Variants in EBF1 observed in about 807,000 individuals in gnomAD.
EBF1 encodes EBF transcription factor 1.
A neutral mutation model predicts 68.4 loss-of-function variants in EBF1; 10 were observed. The observed-to-expected ratio is 0.15, with a 90% CI of 0.09 to 0.25. The LOEUF (loss-of-function observed/expected upper bound fraction) is 0.25, where lower values mean the gene tolerates loss of function less well. Among genes scored for constraint, EBF1 ranks in the 10% least tolerant of loss-of-function variants. The probability of loss-of-function intolerance (pLI) is 1.00; values close to 1 mark genes in which losing one functional copy is unlikely to be tolerated. For synonymous variants in EBF1, 298 were observed against 299.8 expected (o/e 0.99, Z 0.06); for missense variants, 509 against 794.4 (o/e 0.64, Z 4.32).
At chr5:158,922,164 T>C (rs536195364) in intron 6 of EBF1, among the ~76,000 whole-genome samples, 1 of 152,244 alleles carries the variant, frequency 6.6e-6, no homozygotes, top group Non-Finnish European at 1.5e-5. Flanking sequence ...CTATACCATC[T>C]GTGCCGTTGA....
At chr5:158,911,477 T>C (rs1805964963) in intron 6 of EBF1, among the ~76,000 whole-genome samples, 2 of 152,106 alleles carry the variant, frequency 1.3e-5, no homozygotes, top group Admixed American at 6.5e-5. Flanking sequence ...TTTAGTTTTG[T>C]TTTGTTTTTA....
At chr5:158,777,167 T>C (rs1452950671) in intron 10 of EBF1, among the ~76,000 whole-genome samples, 1 of 152,182 alleles carries the variant, frequency 6.6e-6, no homozygotes. Flanking sequence ...TTATTTTTCA[T>C]GTGGCATCTT....
chr5:158,953,223 A>G (rs908561879), intron 6 of EBF1, among the ~76,000 whole-genome samples: 4 of 152,318 alleles, frequency 2.6e-5, no homozygotes, highest in Non-Finnish European at 5.9e-5. Context: ...TTCCTGCTTT[A>G]ATTGTGTGTT....
At chr5:159,096,838 A>C (rs1782710791) in intron 2 of EBF1, 136 bp downstream of exon 2, 1 of 1,173,012 alleles carries the variant, frequency 8.5e-7, no homozygotes, top group African/African-American at 1.5e-5. Flanking sequence ...CTGGGATGGG[A>C]AGTGGCTTGG....
intron 10 of EBF1, among the ~76,000 whole-genome samples, chr5:158,772,485 A>G (rs992502804): frequency 3.3e-5 from 5 of 152,192 alleles, no homozygotes; most frequent in Non-Finnish European, 2.9e-5. Context: ...AGTTAACACC[A>G]GAGAACTTTA....
chr5:159,031,350 A>G (rs1286681180), intron 6 of EBF1, among the ~76,000 whole-genome samples: 1 of 152,224 alleles, frequency 6.6e-6, no homozygotes, highest in Non-Finnish European at 1.5e-5. Context: ...CCACTAAGAC[A>G]GATAATCTGT....
chr5:158,786,578 C>G lies in EBF1; in HGVS notation c.910-9039G>C, dbSNP rs374386010. On this transcript the variant is annotated intron_variant, in intron 9 of 15. Coordinates refer to ENST00000313708, the MANE Select transcript of EBF1 (RefSeq NM_024007.5). ...TATTCCAGAAGGAGAGCATCAGACA[C>G]CAGCAACGCCAGCCCCTGTGGTTTG... is the stretch of plus-strand genomic sequence containing the variant. Among the ~76,000 whole-genome samples, 3 of 152,212 alleles carry G rather than the reference C, an allele frequency of 2.0e-5. No individual in the cohort carries two copies. The East Asian group carries it at 5.8e-4, about 29-fold the overall frequency.
At chr5:158,780,185 T>G (rs1561905826) in intron 9 of EBF1, among the ~76,000 whole-genome samples, 1 of 152,202 alleles carries the variant, frequency 6.6e-6, no homozygotes, top group Non-Finnish European at 1.5e-5. Context: ...CTAGTGATAG[T>G]TTAAAGCTAA....
intron 6 of EBF1, among the ~76,000 whole-genome samples, chr5:158,914,867 G>T (rs1304617766): frequency 6.6e-6 from 1 of 152,062 alleles, no homozygotes; most frequent in Non-Finnish European, 1.5e-5. Flanking sequence ...AAGGAAATAT[G>T]CATACATTAC....
chr5:158,867,564 G>A (rs1796154947), intron 6 of EBF1, among the ~76,000 whole-genome samples: 2 of 152,072 alleles, frequency 1.3e-5, no homozygotes, highest in Admixed American at 6.6e-5. Context: ...CAAAACTCTA[G>A]GGGCAAAGAA....
intron 15 of EBF1, among the ~76,000 whole-genome samples, chr5:158,705,284 TC>T (rs1757631562): frequency 1.3e-5 from 2 of 152,322 alleles, no homozygotes; most frequent in African/African-American, 4.8e-5. Flanking sequence ...CCCAGTCCAT[TC>T]TTTTTATAGT....
At chr5:158,869,179 C>T (rs1796433973) in intron 6 of EBF1, among the ~76,000 whole-genome samples, 1 of 152,136 alleles carries the variant, frequency 6.6e-6, no homozygotes, top group Non-Finnish European at 1.5e-5. Flanking sequence ...GAAGAAAATG[C>T]AGAATGCTGT....
intron 6 of EBF1, among the ~76,000 whole-genome samples, chr5:158,986,616 A>G (rs752721738): frequency 8.5e-5 from 13 of 152,224 alleles, no homozygotes; most frequent in Non-Finnish European, 1.8e-4. Context: ...ATTCTTAAAA[A>G]ATATTCTGCC....
chr5:158,932,687 A>C (rs1270996067), intron 6 of EBF1, among the ~76,000 whole-genome samples: 2 of 152,216 alleles, frequency 1.3e-5, no homozygotes, highest in African/African-American at 2.4e-5. Flanking sequence ...CCAAACACAC[A>C]TACTTCCTCT....
chr5:158,862,348 T>C lies in EBF1; in HGVS notation c.555-22238A>G, dbSNP rs549765705. On this transcript the variant is annotated intron_variant, in intron 6 of 15. Coordinates refer to ENST00000313708, the MANE Select transcript of EBF1 (RefSeq NM_024007.5). Reference sequence around the variant, plus strand: ...GGTTCCAGGGACATCCAATGTTTATTAAAAAAAACAAGAACACACAAACAA... The same window carrying C: ...GGTTCCAGGGACATCCAATGTTTATCAAAAAAAACAAGAACACACAAACAA... Among the ~76,000 whole-genome samples the C allele has an allele frequency of 4.4e-4, 67 of 151,904 alleles. 1 individual carries two copies. In the South Asian group the frequency reaches 0.013, roughly 29 times the overall value.
chr5:158,913,218 A>T (rs1806405934), intron 6 of EBF1, among the ~76,000 whole-genome samples: 1 of 152,208 alleles, frequency 6.6e-6, no homozygotes, highest in Non-Finnish European at 1.5e-5. Flanking sequence ...TACTTTAATC[A>T]TTTGTGGCAT....
intron 6 of EBF1, among the ~76,000 whole-genome samples, chr5:158,951,511 A>T (rs184755032): frequency 1.6e-4 from 25 of 152,326 alleles, no homozygotes; most frequent in Admixed American, 1.4e-3. Flanking sequence ...CTAATTCCCC[A>T]ATCTCTGATA....
At chr5:158,902,627 T>TATTATTATC (rs1803673017) in intron 6 of EBF1, among the ~76,000 whole-genome samples, 1 of 149,010 alleles carries the variant, frequency 6.7e-6, no homozygotes, top group African/African-American at 2.5e-5. Context: ...TTATCATTAT[T>TATTATTATC]ATTATTATTA....
chr5:158,841,071 T>C lies in EBF1; in HGVS notation c.555-961A>G, dbSNP rs117169958. Among the ~76,000 whole-genome samples, 692 of 152,314 alleles carry C rather than the reference T, an allele frequency of 4.5e-3. 42 individuals are homozygous for C. The East Asian group carries it at 0.12, about 27-fold the overall frequency. On this transcript the variant is annotated intron_variant, in intron 6 of 15. Coordinates refer to ENST00000313708, the MANE Select transcript of EBF1 (RefSeq NM_024007.5). ...CACCTTGGTTTCTGAATTGGTTCTG[T>C]AGTGAGATTCATGGGTTTTACTTGC...
Sources: gnomAD v4.1 joint callset for allele counts (sites outside exome capture counted in the v4.1 genomes callset) on GRCh38, gnomAD v4.1.1 for gene constraint, MANE v1.5 for transcripts, NCBI Gene and HGNC (gene_info 2026-07-23, HGNC 2026-07-21) for gene names.